STPG2: variants seen among roughly 807,000 people sequenced by gnomAD.
STPG2 encodes the protein sperm tail PG-rich repeat containing 2, also known as sperm-tail PG-rich repeat-containing protein 2.
STPG2 carries 56 observed loss-of-function variants against 54.2 expected under a neutral mutation model. The ratio of observed to expected loss-of-function variants is 1.03; its 90% CI spans 0.83 to 1.29. The LOEUF (loss-of-function observed/expected upper bound fraction) is 1.29. Ranked by LOEUF, STPG2 falls within the 50% of genes most tolerant of loss-of-function variation. The pLI is 0.00. For missense variants in STPG2, 596 were observed against 544.9 expected, an observed-to-expected ratio of 1.09 and a Z score of -0.93; for synonymous variants, 200 against 181.8, an observed-to-expected ratio of 1.10 and a Z score of -0.81.
At chr4:97,911,919 T>A (rs990607595) in intron 8 of STPG2, among the ~76,000 whole-genome samples, 3 of 152,094 alleles carry the variant, frequency 2.0e-5, no homozygotes, top group African/African-American at 7.2e-5. Context: ...AGACACCTCC[T>A]ACAGGAATAT....
At chr4:97,850,312 A>AAATT (rs1173992303) in intron 8 of STPG2, among the ~76,000 whole-genome samples, 3 of 133,654 alleles carry the variant, frequency 2.2e-5, no homozygotes, top group African/African-American at 7.6e-5. Context: ...ATAAATAAAT[A>AAATT]AATAAATAAA....
At position 97,593,489 on chromosome 4, in the gene STPG2, C is replaced by T. The variant is rs147210708; in HGVS notation, c.1321-34372G>A. On this transcript the variant is annotated intron_variant, in intron 10 of 10. Coordinates refer to ENST00000295268, the MANE Select transcript of STPG2 (RefSeq NM_174952.3). The stretch of plus-strand genomic sequence containing the variant: ...ACCATTGCACGTGAGAATTTGTACA[C>T]GGATGCCAACAACCCCACCTCCCCA... 4.2e-3 allele frequency among the ~76,000 whole-genome samples: 632 copies of T among 152,250 alleles called. 3 individuals are homozygous for T. Among genetic ancestry groups the T allele is most frequent in the South Asian group, 0.02 (98 of 4,826 alleles).
At chr4:98,023,367 A>T (rs1316061161) in intron 5 of STPG2, among the ~76,000 whole-genome samples, 1 of 152,136 alleles carries the variant, frequency 6.6e-6, no homozygotes, top group African/African-American at 2.4e-5. Flanking sequence ...TGAACCGCAA[A>T]TGTTGCTGCC....
intron 3 of STPG2, among the ~76,000 whole-genome samples, chr4:98,111,916 G>C (rs982073031): frequency 3.3e-5 from 5 of 151,976 alleles, no homozygotes; most frequent in Admixed American, 6.6e-5. Context: ...TCTAGCCTTT[G>C]GATTCTTGGA....
chr4:97,766,394 A>C (rs553753191), intron 9 of STPG2, among the ~76,000 whole-genome samples: 11 of 152,250 alleles, frequency 7.2e-5, no homozygotes, highest in Admixed American at 6.5e-4. Context: ...AAAATAAAAT[A>C]GGGTATAATA....
At chr4:97,899,887 A>G (rs1731108883) in intron 8 of STPG2, among the ~76,000 whole-genome samples, 1 of 152,180 alleles carries the variant, frequency 6.6e-6, no homozygotes, top group Admixed American at 6.5e-5. Flanking sequence ...AACCTAGGCA[A>G]TATCATTCTG....
intron 8 of STPG2, 68 bp from the exon 9 acceptor site, chr4:97,841,000 T>C (rs1412026828): frequency 2.0e-6 from 3 of 1,487,930 alleles, no homozygotes; most frequent in Non-Finnish European, 2.7e-6. Flanking sequence ...AGATACCAGA[T>C]GGATGGTTAC....
At chr4:98,033,731 C>A (rs181980675) in intron 5 of STPG2, among the ~76,000 whole-genome samples, 302 of 152,234 alleles carry the variant, frequency 2.0e-3, no homozygotes, top group African/African-American at 7.1e-3. Context: ...AATCCAGTAG[C>A]ACATCAAAAA....
At chr4:98,093,761 T>C (rs560450735) in intron 5 of STPG2, among the ~76,000 whole-genome samples, 37 of 152,058 alleles carry the variant, frequency 2.4e-4, no homozygotes, top group Admixed American at 2.0e-4. Flanking sequence ...AGCACAGCAA[T>C]TGGGGGACTT....
intron 10 of STPG2, among the ~76,000 whole-genome samples, chr4:97,646,213 G>T (rs926842451): frequency 6.6e-6 from 1 of 152,078 alleles, no homozygotes; most frequent in African/African-American, 2.4e-5. Flanking sequence ...TTTTAGTTTT[G>T]CTTAGGAACA....
At chr4:98,099,936 G>T (rs1738977110) in intron 5 of STPG2, among the ~76,000 whole-genome samples, 1 of 151,996 alleles carries the variant, frequency 6.6e-6, no homozygotes, top group Non-Finnish European at 1.5e-5. Context: ...AATGCTTAAG[G>T]AGACGGATAC....
At chr4:97,566,999 T>C (rs1732469607) in intron 10 of STPG2, among the ~76,000 whole-genome samples, 1 of 151,756 alleles carries the variant, frequency 6.6e-6, no homozygotes, top group Non-Finnish European at 1.5e-5. Flanking sequence ...AACATGCACA[T>C]TGTGCACATG....
At chr4:97,820,299 C>G (rs1019239089) in intron 9 of STPG2, among the ~76,000 whole-genome samples, 5 of 152,104 alleles carry the variant, frequency 3.3e-5, no homozygotes, top group African/African-American at 9.7e-5. Flanking sequence ...CCCCTCCAGC[C>G]TCTCTATTCC....
chr4:97,752,101 T>C lies in STPG2; in HGVS notation c.1205-39287A>G, dbSNP rs112634367. 5.7e-3 allele frequency among the ~76,000 whole-genome samples: 866 copies of C among 151,950 alleles called. 5 individuals carry two copies. Among genetic ancestry groups the C allele is most frequent in the Middle Eastern group, 0.02 (6 of 294 alleles). ...AATCACTTCTTATACAAAACCCTTA[T>C]GATTTTGCTGCATTTACTTACATCC... On this transcript the variant is annotated intron_variant, in intron 9 of 10. Coordinates refer to ENST00000295268, the MANE Select transcript of STPG2 (RefSeq NM_174952.3).
intron 10 of STPG2, among the ~76,000 whole-genome samples, chr4:97,626,197 T>C (rs892205761): frequency 2.6e-5 from 4 of 152,176 alleles, no homozygotes; most frequent in African/African-American, 9.7e-5. Context: ...ACTCTCTTTT[T>C]CCAGAAATCC....
intron 9 of STPG2, among the ~76,000 whole-genome samples, chr4:97,804,136 T>C (rs1337607188): frequency 2.0e-5 from 3 of 152,218 alleles, no homozygotes; most frequent in African/African-American, 7.2e-5. Context: ...GCATAAAACA[T>C]AGTTTCCAAT....
chr4:97,473,508 C>T (rs191593024), intron 4 of STPG2, among the ~76,000 whole-genome samples: 5 of 152,230 alleles, frequency 3.3e-5, no homozygotes, highest in Admixed American at 3.3e-4. Context: ...AGACCGGTTG[C>T]TCTCAAACCC....
intron 8 of STPG2, among the ~76,000 whole-genome samples, chr4:97,903,367 A>G (rs574843806): frequency 1.5e-3 from 231 of 152,290 alleles, no homozygotes; most frequent in African/African-American, 5.2e-3. Flanking sequence ...TTATTTGTCA[A>G]TTACACTTCA....
At chr4:97,633,926 C>G (rs1313201780) in intron 10 of STPG2, 1 of 154,730 alleles carries the variant, frequency 6.5e-6, no homozygotes, top group Non-Finnish European at 1.4e-5. Context: ...GGGGCGCCCA[C>G]CATTGCCCAG....
Sources: allele counts gnomAD v4.1 joint callset (sites outside exome capture counted in the v4.1 genomes callset), GRCh38; gene constraint gnomAD v4.1.1; transcripts MANE v1.5; gene names NCBI Gene and HGNC (gene_info 2026-07-23, HGNC 2026-07-21).